Variants in DEF8 observed in about 807,000 individuals in gnomAD.
DEF8 encodes the protein differentially expressed in FDCP 8 homolog, also known as DEF-8.
In DEF8, 38 loss-of-function variants were observed where a neutral mutation model predicts 59.1. The ratio of observed to expected loss-of-function variants is 0.64; its 90% confidence interval spans 0.50 to 0.84. The LOEUF (loss-of-function observed/expected upper bound fraction) is 0.84. DEF8 is among the 40% of genes least tolerant of loss of function. DEF8 has a pLI of 0.00. For missense variants in DEF8, 557 were observed against 615.2 expected (o/e 0.91, Z 1.00); for synonymous variants, 265 against 250.1 (o/e 1.06, Z -0.56).
Position 89,963,424 on chromosome 16 carries a change from A to C in DEF8, c.983A>C (p.Glu328Ala). 6.2e-7 allele frequency: 1 copy of C among 1,613,740 alleles called. No homozygotes were observed. Among genetic ancestry groups the C allele is most frequent in the South Asian group, 1.1e-5 (1 of 91,074 alleles). ...PYFITCREAM[E>A]ARLLLQLQDR... ...TTCATCACCTGCAGGGAGGCCATGGAGGCTCGTCTGCTGCTGCAGGTCAGA... is the reference window on the plus strand; with the variant it reads ...TTCATCACCTGCAGGGAGGCCATGGCGGCTCGTCTGCTGCTGCAGGTCAGA... The change falls in exon 10 of 13, where the codon GAG becomes GCG. Residue 328 changes from glutamate to alanine, a missense_variant. By Grantham distance (107) the Glu-to-Ala change is moderately radical. Transcript: ENST00000563594.
At chr16:89,951,548 C>A (rs189632268) in intron 2 of DEF8, among the ~76,000 whole-genome samples, 53 of 152,152 alleles carry the variant, frequency 3.5e-4, no homozygotes, top group African/African-American at 1.2e-3. Flanking sequence ...CTGGGTCTTT[C>A]AGTCAGAATC....
chr16:89,962,794 C>T (rs775385010), intron 9 of DEF8, among the ~76,000 whole-genome samples: 67 of 152,248 alleles, frequency 4.4e-4, no homozygotes, highest in Non-Finnish European at 7.9e-4. Context: ...TTTTGTGCCA[C>T]GTCTTTGGCT....
intron 2 of DEF8, 26 bp downstream of exon 2, chr16:89,949,539 C>G (rs774125578): frequency 1.2e-6 from 2 of 1,613,262 alleles, no homozygotes; most frequent in Admixed American, 1.7e-5. Context: ...ACGCTGTTGA[C>G]TCCGCACACC....
rs1157009483 is a variant in DEF8, at chr16:89,967,200, C to T, written c.*1237C>T. 4 of 398,322 alleles carry T rather than the reference C, an allele frequency of 1.0e-5. No homozygotes were observed. Among genetic ancestry groups the T allele is most frequent in the Non-Finnish European group, 1.8e-5 (4 of 226,200 alleles). The allele number at this position is 398,322 out of a possible 1,614,324, so 24.7% of individuals were successfully genotyped here. A position where few individuals can be genotyped will look rare whatever the true frequency, so the allele number is the denominator to read the frequency against. On this transcript the variant is annotated 3_prime_UTR_variant, in exon 13 of 13. Coordinates refer to ENST00000563594, the MANE Select transcript of DEF8 (RefSeq NM_001242818.2). The stretch of plus-strand genomic sequence containing the variant: ...CTCCTGTCTGTCCTTTTCCCCCACA[C>T]CCTGGACTGTGCTTGGCTGTTGGTG...
At chr16:89,949,223 G>T (rs1291570420) in intron 1 of DEF8, among the ~76,000 whole-genome samples, 194 bp from the exon 2 acceptor site, 3 of 151,810 alleles carry the variant, frequency 2.0e-5, no homozygotes, top group African/African-American at 7.2e-5. Context: ...CACCAGCTGC[G>T]TGCGGAGCAC....
At chr16:89,965,489 A>G (rs577178537) in intron 12 of DEF8, among the ~76,000 whole-genome samples, 26 of 152,288 alleles carry the variant, frequency 1.7e-4, no homozygotes, top group African/African-American at 5.8e-4. Context: ...AGTTTGAACT[A>G]GGCTGCGGTG....
chr16:89,958,993 TC>T lies in DEF8; in HGVS notation c.373-18del. The T allele has an allele frequency of 6.2e-7, 1 of 1,607,564 alleles. No individual in the cohort carries two copies. The highest frequency in any genetic ancestry group is 8.5e-7 in the Non-Finnish European group (1 of 1,179,630). On this transcript the variant is annotated intron_variant, in intron 5 of 12. Coordinates refer to ENST00000563594, the MANE Select transcript of DEF8 (RefSeq NM_001242818.2). ...TCAGCCCAGCTCACCTGTGACCCCC[TC>T]CCTGACTCACCCTCTGCAGGACCCC...
At chr16:89,957,368 A>T in intron 4 of DEF8, 143 bp from the exon 5 acceptor site, 1 of 890,892 alleles carries the variant, frequency 1.1e-6, no homozygotes, top group Non-Finnish European at 1.6e-6. Context: ...CCCTGGAGCA[A>T]GTCCTCGGTG....
In DEF8 at chr16:89,967,817, C is replaced by T. The variant is rs1036191901; in HGVS notation, c.*1854C>T. 3 of 189,472 alleles carry T rather than the reference C, an allele frequency of 1.6e-5. No individual in the cohort carries two copies. Among genetic ancestry groups the T allele is most frequent in the Admixed American group, 6.1e-5 (1 of 16,366 alleles). 11.7% of individuals were successfully genotyped at this position (189,472 alleles called of 1,614,324 possible). Reference sequence around the variant, plus strand: ...TATTTGCTGGACAAAGGGTTGGGCCCCTTTTATTTTTACCTGCCACCCAGC... The same window carrying T: ...TATTTGCTGGACAAAGGGTTGGGCCTCTTTTATTTTTACCTGCCACCCAGC... On this transcript the variant is annotated 3_prime_UTR_variant, in exon 13 of 13. Coordinates refer to ENST00000563594, the MANE Select transcript of DEF8 (RefSeq NM_001242818.2).
chr16:89,949,692 G>T, intron 2 of DEF8, 179 bp downstream of exon 2: 2 of 1,514,554 alleles, frequency 1.3e-6, no homozygotes, highest in Non-Finnish European at 1.8e-6. Context: ...CCGTGCCCCG[G>T]AACCCCGCCG....
chr16:89,962,285 T>C (rs1405152025), intron 9 of DEF8, among the ~76,000 whole-genome samples, 160 bp downstream of exon 9: 1 of 152,154 alleles, frequency 6.6e-6, no homozygotes, highest in Non-Finnish European at 1.5e-5. Context: ...GCCCTTTTGG[T>C]TGAAGGTGCT....
chr16:89,966,042 G>T lies in DEF8; in HGVS notation c.*79G>T. 2 of 1,179,858 alleles carry T rather than the reference G, an allele frequency of 1.7e-6. No homozygotes were observed. The allele number at this position is 1,179,858 out of a possible 1,614,324, so 73.1% of individuals were successfully genotyped here. On this transcript the variant is annotated 3_prime_UTR_variant, in exon 13 of 13. Transcript: ENST00000563594. ...AACATCAAGTTGTTCCTTCTGCTCC[G>T]GAGACCCCTGGGGTGCGGCCCTGGC...
intron 1 of DEF8, 109 bp from the exon 2 acceptor site, chr16:89,949,308 G>A (rs2031495678): frequency 1.1e-6 from 1 of 895,152 alleles, no homozygotes; most frequent in Non-Finnish European, 1.6e-6. Context: ...CCCCTCGGTG[G>A]AACGGGTGGG....
At chr16:89,950,900 C>T (rs2031919502) in intron 2 of DEF8, among the ~76,000 whole-genome samples, 1 of 152,136 alleles carries the variant, frequency 6.6e-6, no homozygotes, top group African/African-American at 2.4e-5. Context: ...AGGACCCCTT[C>T]AGCCCAGGAG....
At chr16:89,961,422 G>T (rs1290368946) in intron 7 of DEF8, among the ~76,000 whole-genome samples, 1 of 152,204 alleles carries the variant, frequency 6.6e-6, no homozygotes, top group Non-Finnish European at 1.5e-5. Flanking sequence ...TCATAGACGG[G>T]GTCTAGGGAG....
chr16:89,959,010 G>T lies in DEF8; in HGVS notation c.373-4G>T. On this transcript the variant is annotated splice_polypyrimidine_tract_variant and splice_region_variant and intron_variant, in intron 5 of 12. Coordinates refer to ENST00000563594, the MANE Select transcript of DEF8 (RefSeq NM_001242818.2). Reference sequence around the variant, plus strand: ...TGACCCCCTCCCTGACTCACCCTCTGCAGGACCCCAATGAGGATGAGCCAA... The same window carrying T: ...TGACCCCCTCCCTGACTCACCCTCTTCAGGACCCCAATGAGGATGAGCCAA... 6.2e-7 allele frequency: 1 copy of T among 1,610,570 alleles called. No homozygotes were observed. The highest frequency in any genetic ancestry group is 1.1e-5 in the South Asian group (1 of 91,048).
chr16:89,957,757 G>A lies in DEF8; in HGVS notation c.372+97G>A, dbSNP rs371680963. The A allele has an allele frequency of 3.7e-5, 52 of 1,393,294 alleles. 1 individual carries two copies. The highest frequency in any genetic ancestry group is 2.5e-4 in the East Asian group (10 of 39,410). The allele number at this position is 1,393,294 out of a possible 1,614,324, so 86.3% of individuals were successfully genotyped here. On this transcript the variant is annotated intron_variant, in intron 5 of 12. Transcript: ENST00000563594. ...GCCAGCCTCTGGCTCTCTCTCAGGCGGTGGTCTCTCTCTCGGCCTCAGGGG... is the reference window on the plus strand; with the variant it reads ...GCCAGCCTCTGGCTCTCTCTCAGGCAGTGGTCTCTCTCTCGGCCTCAGGGG...
intron 4 of DEF8, among the ~76,000 whole-genome samples, chr16:89,955,955 C>T (rs1232121877): frequency 6.6e-6 from 1 of 151,846 alleles, no homozygotes; most frequent in Non-Finnish European, 1.5e-5. Context: ...TGCCTGTAGT[C>T]CCAGCTACTC....
chr16:89,950,446 T>C, intron 2 of DEF8: 1 of 643,752 alleles, frequency 1.6e-6, no homozygotes, highest in Non-Finnish European at 1.9e-6. Flanking sequence ...TGGAGTGCAG[T>C]GGCACAATCT....
Sources: allele counts gnomAD v4.1 joint callset (sites outside exome capture counted in the v4.1 genomes callset), GRCh38; gene constraint gnomAD v4.1.1; transcripts MANE v1.5; gene names NCBI Gene and HGNC (gene_info 2026-07-23, HGNC 2026-07-21).